PREX1: variants seen among roughly 807,000 people sequenced by gnomAD.
The protein encoded by PREX1 is phosphatidylinositol 3,4,5-trisphosphate-dependent Rac exchanger 1 protein.
Under a neutral mutation model 198.3 loss-of-function variants are expected in PREX1, and 41 were observed. That is an observed-to-expected ratio of 0.21 (90% confidence interval 0.16 to 0.27). The LOEUF (loss-of-function observed/expected upper bound fraction) is 0.27, where lower values mean the gene tolerates loss of function less well. PREX1 is among the 10% of genes least tolerant of loss of function. The pLI is 1.00. For synonymous variants in PREX1, 843 were observed against 887.2 expected (o/e 0.95, Z 0.89); for missense variants, 1,620 against 2,200.7 (o/e 0.74, Z 5.28).
chr20:48,860,014 T>A, the PREX1 span, among the ~76,000 whole-genome samples: 1 of 151,884 alleles, frequency 6.6e-6, no homozygotes. Context: ...TGTGACTCTG[T>A]CTCAAAAAAC....
the PREX1 span, among the ~76,000 whole-genome samples, chr20:48,886,245 AG>A: frequency 6.6e-6 from 1 of 152,208 alleles, no homozygotes; most frequent in Non-Finnish European, 1.5e-5. Flanking sequence ...TGCTCTTAAA[AG>A]TAAAGTTTAT....
chr20:48,776,369 C>T (rs535453882), intron 1 of PREX1, among the ~76,000 whole-genome samples: 9 of 152,314 alleles, frequency 5.9e-5, no homozygotes, highest in East Asian at 3.9e-4. Flanking sequence ...CCGAGACAGG[C>T]GCTCTGAGAG....
At chr20:48,642,948 T>C (rs1423615530) in intron 27 of PREX1, among the ~76,000 whole-genome samples, 1 of 152,248 alleles carries the variant, frequency 6.6e-6, no homozygotes, top group Non-Finnish European at 1.5e-5. Context: ...AGCTTCTTTT[T>C]CTTCTGTTAA....
chr20:48,873,130 G>A, the PREX1 span, among the ~76,000 whole-genome samples: 3 of 152,100 alleles, frequency 2.0e-5, no homozygotes, highest in Non-Finnish European at 4.4e-5. Flanking sequence ...TCTACCCTGC[G>A]TGTCACTCAT....
intron 5 of PREX1, among the ~76,000 whole-genome samples, chr20:48,712,182 A>G (rs955844432): frequency 6.6e-6 from 1 of 152,154 alleles, no homozygotes; most frequent in African/African-American, 2.4e-5. Flanking sequence ...CAGTGAAATT[A>G]CTTTGCCTCC....
chr20:48,658,225 G>T lies in PREX1; in HGVS notation c.1885C>A (p.Leu629Met). The T allele has an allele frequency of 6.2e-7, 1 of 1,614,000 alleles. No homozygotes were observed. Among genetic ancestry groups the T allele is most frequent in the Non-Finnish European group, 8.5e-7 (1 of 1,179,932 alleles). The change falls in exon 17 of 40, where the codon CTG (leucine) becomes ATG (methionine). Residue 629 changes from leucine (L) to methionine (M), a missense_variant. Physicochemically the swap from Leu to Met is conservative, Grantham distance 15. Coordinates refer to ENST00000371941, the MANE Select transcript of PREX1 (RefSeq NM_020820.4). ...ENILAKRLLI[L>M]PQEEDYGFDI... ...AAGCCATAGTCCTCCTCCTGGGGCA[G>T]GATCTGGGGGCCCAGGGCAGAAGGA...
the PREX1 span, among the ~76,000 whole-genome samples, chr20:48,833,599 G>A: frequency 1.4e-4 from 22 of 151,932 alleles, no homozygotes; most frequent in African/African-American, 4.3e-4. Flanking sequence ...CCGCCACCAC[G>A]CCCAGCTAAT....
chr20:48,704,432 T>C (rs570349278), intron 6 of PREX1, among the ~76,000 whole-genome samples: 9 of 152,342 alleles, frequency 5.9e-5, no homozygotes, highest in Admixed American at 5.2e-4. Flanking sequence ...TTCTCTCCCC[T>C]TGTGGGTGAG....
At chr20:48,637,827 C>G in intron 30 of PREX1, 75 bp from the exon 31 acceptor site, 1 of 1,353,820 alleles carries the variant, frequency 7.4e-7, no homozygotes, top group Non-Finnish European at 1.0e-6. Flanking sequence ...AACCGGGCCC[C>G]TCCCCATGGC....
At chr20:48,744,786 C>T (rs1182845292) in intron 3 of PREX1, among the ~76,000 whole-genome samples, 1 of 152,192 alleles carries the variant, frequency 6.6e-6, no homozygotes, top group East Asian at 1.9e-4. Flanking sequence ...TCAGTGAGGG[C>T]CCACCCTCTA....
At chr20:48,711,284 C>A (rs1261003683) in intron 5 of PREX1, among the ~76,000 whole-genome samples, 2 of 152,160 alleles carry the variant, frequency 1.3e-5, no homozygotes, top group Non-Finnish European at 2.9e-5. Flanking sequence ...AAGCCATCAG[C>A]CTGCTTGTAG....
At chr20:48,709,374 A>G (rs755031233) in intron 5 of PREX1, among the ~76,000 whole-genome samples, 10 of 152,184 alleles carry the variant, frequency 6.6e-5, no homozygotes, top group Non-Finnish European at 1.3e-4. Context: ...ACACTCTTGC[A>G]TCGTAGTTAC....
At chr20:48,632,251 C>T (rs1440230914) in intron 35 of PREX1, 26 bp downstream of exon 35, 2 of 1,609,958 alleles carry the variant, frequency 1.2e-6, no homozygotes, top group Non-Finnish European at 1.7e-6. Context: ...TGACTCCTGC[C>T]CCCAACGGGG....
At chr20:48,644,542 G>C in intron 26 of PREX1, 45 bp from the exon 27 acceptor site, 1 of 1,557,788 alleles carries the variant, frequency 6.4e-7, no homozygotes, top group Non-Finnish European at 8.8e-7. Context: ...CTGAGCTCAG[G>C]CCATCTGGTC....
the PREX1 span, among the ~76,000 whole-genome samples, chr20:48,844,278 T>G: frequency 6.6e-6 from 1 of 152,180 alleles, no homozygotes; most frequent in Admixed American, 6.5e-5. Context: ...CCCCATTCCC[T>G]TGCACGGCCA....
intron 9 of PREX1, among the ~76,000 whole-genome samples, chr20:48,689,997 C>A (rs756940888): frequency 1.3e-5 from 2 of 152,032 alleles, no homozygotes; most frequent in Non-Finnish European, 2.9e-5. Flanking sequence ...GCAGGTGTTG[C>A]AGGGGAGACC....
chr20:48,758,814 G>A (rs1180611607), intron 1 of PREX1, among the ~76,000 whole-genome samples: 2 of 152,136 alleles, frequency 1.3e-5, no homozygotes, highest in African/African-American at 2.4e-5. Flanking sequence ...CAATCCTATC[G>A]AAAACGCCTA....
At chr20:48,759,269 G>A (rs534577565) in intron 1 of PREX1, among the ~76,000 whole-genome samples, 8 of 152,166 alleles carry the variant, frequency 5.3e-5, no homozygotes, top group African/African-American at 1.9e-4. Context: ...CTGCAGGCAG[G>A]CCAGGCGCGG....
chr20:48,676,080 G>A, intron 14 of PREX1, 113 bp downstream of exon 14: 1 of 1,010,854 alleles, frequency 9.9e-7, no homozygotes, highest in Non-Finnish European at 1.5e-6. Flanking sequence ...TTTATGTTCT[G>A]TGCAGTTTGC....
Sources: allele counts gnomAD v4.1 joint callset (sites outside exome capture counted in the v4.1 genomes callset), GRCh38; gene constraint gnomAD v4.1.1; transcripts MANE v1.5; gene names NCBI Gene and HGNC (gene_info 2026-07-23, HGNC 2026-07-21).